SUPT3H: variants seen among roughly 807,000 people sequenced by gnomAD.
SUPT3H encodes SPT3 homolog, SAGA and STAGA complex component, also known as transcription initiation protein SPT3 homolog.
SUPT3H carries 44 observed loss-of-function variants against 44.3 expected under a neutral mutation model. The observed-to-expected ratio is 0.99, with a 90% CI of 0.78 to 1.28. SUPT3H has a LOEUF of 1.28. Ranked by LOEUF, SUPT3H falls within the 50% of genes most tolerant of loss-of-function variation. The pLI is 0.00. For missense variants in SUPT3H, 380 were observed against 387.1 expected, an observed-to-expected ratio of 0.98 and a Z score of 0.15; for synonymous variants, 124 against 125.6, an observed-to-expected ratio of 0.99 and a Z score of 0.09.
In SUPT3H at chr6:45,163,223, A is replaced by G. The variant is rs533454850; in HGVS notation, c.102-57217T>C. On this transcript the variant is annotated intron_variant, in intron 2 of 10. Coordinates refer to ENST00000371459, the MANE Select transcript of SUPT3H (RefSeq NM_003599.4). ...TGCATTACTAATGACTCAAAGTAAT[A>G]ATGTCATGAAAGACAAAGCTCAAGT... Among the ~76,000 whole-genome samples, 148 of 152,208 alleles carry G rather than the reference A, an allele frequency of 9.7e-4. 1 individual carries two copies. The highest frequency in any genetic ancestry group is 1.8e-3 in the Non-Finnish European group (122 of 68,040).
chr6:45,247,265 T>C (rs926569071), intron 2 of SUPT3H, among the ~76,000 whole-genome samples: 1 of 152,218 alleles, frequency 6.6e-6, no homozygotes, highest in East Asian at 1.9e-4. Flanking sequence ...GAGCAGCCCT[T>C]CTGCTATCTT....
At chr6:45,372,473 A>G (rs904783497) in intron 1 of SUPT3H, among the ~76,000 whole-genome samples, 3 of 152,266 alleles carry the variant, frequency 2.0e-5, no homozygotes, top group Admixed American at 1.3e-4. Flanking sequence ...AGTGAAATAT[A>G]CAGAATTCAG....
At chr6:45,311,991 A>C (rs535041394) in intron 2 of SUPT3H, among the ~76,000 whole-genome samples, 1 of 152,322 alleles carries the variant, frequency 6.6e-6, no homozygotes, top group African/African-American at 2.4e-5. Flanking sequence ...ACTAACATGG[A>C]ATGTAAATGG....
chr6:45,370,922 A>C (rs1445664939), intron 1 of SUPT3H, among the ~76,000 whole-genome samples: 1 of 152,206 alleles, frequency 6.6e-6, no homozygotes, highest in Non-Finnish European at 1.5e-5. Context: ...AGTTTAAAAA[A>C]AAAATTTCTT....
chr6:45,116,079 G>A (rs760086605), intron 2 of SUPT3H, among the ~76,000 whole-genome samples: 6 of 152,030 alleles, frequency 3.9e-5, no homozygotes, highest in South Asian at 2.1e-4. Context: ...GTGCTTGACC[G>A]GCATGTATCT....
intron 2 of SUPT3H, among the ~76,000 whole-genome samples, chr6:45,315,011 AAAAC>A (rs1584873804): frequency 6.6e-6 from 1 of 152,198 alleles, no homozygotes; most frequent in Admixed American, 6.5e-5. Context: ...GATCTTTGAC[AAAAC>A]AAACAAAAAC....
chr6:44,990,055 T>A (rs1780387007), intron 6 of SUPT3H, among the ~76,000 whole-genome samples: 1 of 152,144 alleles, frequency 6.6e-6, no homozygotes, highest in Admixed American at 6.6e-5. Flanking sequence ...TGGTGTGATA[T>A]CCAAAAAATC....
intron 6 of SUPT3H, among the ~76,000 whole-genome samples, chr6:44,964,833 A>G (rs1377473249): frequency 1.3e-5 from 2 of 152,156 alleles, no homozygotes; most frequent in Admixed American, 6.5e-5. Context: ...ATACAAAATC[A>G]TGGCTTAGAG....
At chr6:45,238,448 A>G (rs1298899404) in intron 2 of SUPT3H, among the ~76,000 whole-genome samples, 1 of 152,200 alleles carries the variant, frequency 6.6e-6, no homozygotes, top group Non-Finnish European at 1.5e-5. Flanking sequence ...TGCCATGAGT[A>G]ATCTATTTTC....
In SUPT3H at chr6:44,975,594, G is replaced by A. The variant is rs1271525511; in HGVS notation, c.505-13766C>T. 2.0e-5 allele frequency among the ~76,000 whole-genome samples: 3 copies of A among 152,132 alleles called. No homozygotes were observed. In the East Asian group the frequency reaches 5.8e-4, roughly 29 times the overall value. On this transcript the variant is annotated intron_variant, in intron 6 of 10. Coordinates refer to ENST00000371459, the MANE Select transcript of SUPT3H (RefSeq NM_003599.4). ...GAGACTTGGTGGGAAGGGTGGGAGGGGGTGAGGGATAAAAGACTACACTTG... is the reference window on the plus strand; with the variant it reads ...GAGACTTGGTGGGAAGGGTGGGAGGAGGTGAGGGATAAAAGACTACACTTG...
intron 1 of SUPT3H, among the ~76,000 whole-genome samples, chr6:45,375,453 T>C (rs983204359): frequency 6.6e-6 from 1 of 152,228 alleles, no homozygotes; most frequent in Non-Finnish European, 1.5e-5. Context: ...CTGATTTGTA[T>C]ATTATGAGCT....
chr6:45,008,953 C>T (rs1391828991), intron 5 of SUPT3H, among the ~76,000 whole-genome samples: 7 of 152,148 alleles, frequency 4.6e-5, no homozygotes, highest in South Asian at 2.1e-4. Context: ...GTTGGCCAGG[C>T]TGGTCTTGAA....
At chr6:45,220,853 C>A (rs1166373005) in intron 2 of SUPT3H, among the ~76,000 whole-genome samples, 1 of 152,104 alleles carries the variant, frequency 6.6e-6, no homozygotes, top group Non-Finnish European at 1.5e-5. Flanking sequence ...TACCATTTGA[C>A]CCAGCAATCC....
intron 10 of SUPT3H, among the ~76,000 whole-genome samples, chr6:44,898,189 T>C (rs1764395973): frequency 6.6e-6 from 1 of 152,236 alleles, no homozygotes; most frequent in East Asian, 1.9e-4. Context: ...TAAGGTATGG[T>C]GGTAGCCAGC....
At chr6:45,357,402 T>G (rs1450989642) in intron 2 of SUPT3H, among the ~76,000 whole-genome samples, 1 of 151,976 alleles carries the variant, frequency 6.6e-6, no homozygotes, top group Non-Finnish European at 1.5e-5. Flanking sequence ...AGGATCATGG[T>G]TCACTGCAGC....
At chr6:44,889,844 A>T (rs1211038422) in intron 10 of SUPT3H, among the ~76,000 whole-genome samples, 1 of 152,156 alleles carries the variant, frequency 6.6e-6, no homozygotes, top group African/African-American at 2.4e-5. Context: ...AATGGGAGAA[A>T]ATTTTCGCAA....
chr6:44,853,789 T>G (rs897398864), intron 10 of SUPT3H, among the ~76,000 whole-genome samples: 1 of 152,042 alleles, frequency 6.6e-6, no homozygotes, highest in African/African-American at 2.4e-5. Flanking sequence ...GAAAAATGTG[T>G]AGCAAATAAA....
At chr6:45,160,557 T>C (rs1031532436) in intron 2 of SUPT3H, among the ~76,000 whole-genome samples, 11 of 152,002 alleles carry the variant, frequency 7.2e-5, no homozygotes, top group African/African-American at 2.2e-4. Flanking sequence ...ACATTTTTTA[T>C]ATATAAGTGA....
intron 2 of SUPT3H, among the ~76,000 whole-genome samples, chr6:45,178,122 G>A (rs543971447): frequency 6.6e-6 from 1 of 152,144 alleles, no homozygotes; most frequent in South Asian, 2.1e-4. Context: ...GACACAGACT[G>A]GCAAATTGGA....
Sources: gnomAD v4.1 joint callset for allele counts (sites outside exome capture counted in the v4.1 genomes callset) on GRCh38, gnomAD v4.1.1 for gene constraint, MANE v1.5 for transcripts, NCBI Gene and HGNC (gene_info 2026-07-23, HGNC 2026-07-21) for gene names.